NDUFAF6: variants seen among roughly 807,000 people sequenced by gnomAD.
The protein encoded by NDUFAF6 is NADH:ubiquinone oxidoreductase complex assembly factor 6, also known as NADH dehydrogenase (ubiquinone) complex I, assembly factor 6.
Under a neutral mutation model 40.8 loss-of-function variants are expected in NDUFAF6, and 45 were observed. The ratio of observed to expected loss-of-function variants is 1.10; its 90% confidence interval spans 0.87 to 1.42. The LOEUF (loss-of-function observed/expected upper bound fraction) is 1.42, where lower values mean the gene tolerates loss of function less well. Ranked by LOEUF, NDUFAF6 falls within the 40% of genes most tolerant of loss-of-function variation. The pLI, the probability that NDUFAF6 is intolerant of heterozygous loss-of-function variation, is 0.00. For synonymous variants in NDUFAF6, 185 were observed against 155.9 expected, an observed-to-expected ratio of 1.19 and a Z score of -1.39; for missense variants, 435 against 418.5, an observed-to-expected ratio of 1.04 and a Z score of -0.34.
At chr8:95,035,295 CTT>C (rs1401027738) in intron 2 of NDUFAF6, among the ~76,000 whole-genome samples, 157 bp from the exon 3 acceptor site, 1 of 152,142 alleles carries the variant, frequency 6.6e-6, no homozygotes, top group African/African-American at 2.4e-5. Context: ...AAAATTCTCT[CTT>C]TGTTGTGTTC....
At position 95,036,321 on chromosome 8, in the gene NDUFAF6, T is replaced by C. The variant is rs981142011; in HGVS notation, c.420+745T>C. On this transcript the variant is annotated intron_variant, in intron 3 of 8. Transcript: ENST00000396124. ...ATGCAGTGATTGCCAAAAGAGGGTT[T>C]CTGTAACAGGAGCCACCCACAGACC... 30 of 1,286,724 alleles carry C rather than the reference T, an allele frequency of 2.3e-5. No individual in the cohort carries two copies. The African/African-American group carries it at 3.6e-4, about 16-fold the overall frequency. The allele number at this position is 1,286,724 out of a possible 1,614,324, so 79.7% of individuals were successfully genotyped here. A position where few individuals can be genotyped will look rare whatever the true frequency, so the allele number is the denominator to read the frequency against.
At chr8:94,923,144 G>C (rs944554268) in intron 1 of NDUFAF6, among the ~76,000 whole-genome samples, 7 of 152,150 alleles carry the variant, frequency 4.6e-5, no homozygotes, top group African/African-American at 1.4e-4. Flanking sequence ...CTGTAGGCCG[G>C]ATAGGAAGGA....
downstream of NDUFAF6, among the ~76,000 whole-genome samples, chr8:95,107,997 G>A (rs536699343): frequency 1.3e-5 from 2 of 152,250 alleles, no homozygotes; most frequent in South Asian, 2.1e-4. Context: ...TGGAAACATC[G>A]GCTGGCACTT....
At chr8:94,897,765 G>A in intron 1 of NDUFAF6, among the ~76,000 whole-genome samples, 1 of 133,692 alleles carries the variant, frequency 7.5e-6, no homozygotes, top group East Asian at 2.1e-4. Context: ...TTTTCCCTGT[G>A]CTACAGTTAT....
intron 7 of NDUFAF6, 133 bp from the exon 8 acceptor site, chr8:95,052,041 C>G: frequency 1.2e-6 from 1 of 806,904 alleles, no homozygotes; most frequent in Non-Finnish European, 2.1e-6. Flanking sequence ...TAATCTTAAT[C>G]TGCAGGAGAT....
chr8:95,049,903 A>G (rs1298727376), intron 7 of NDUFAF6, among the ~76,000 whole-genome samples: 1 of 152,238 alleles, frequency 6.6e-6, no homozygotes, highest in Non-Finnish European at 1.5e-5. Flanking sequence ...TACCTGGTAC[A>G]TTATGGGCAC....
chr8:95,072,601 G>A (rs2132037151), intron 9 of NDUFAF6: 1 of 152,398 alleles, frequency 6.6e-6, no homozygotes, highest in East Asian at 1.9e-4. Flanking sequence ...CTCGTGGTAT[G>A]TTCAGCCTTT....
At chr8:95,019,330 AAGCAAACAAT>A (rs1827597938) in intron 2 of NDUFAF6, among the ~76,000 whole-genome samples, 1 of 152,250 alleles carries the variant, frequency 6.6e-6, no homozygotes, top group South Asian at 2.1e-4. Context: ...TATATACACA[AAGCAAACAAT>A]AGTATTTTCA....
At chr8:95,068,108 C>T (rs997904293) in intron 9 of NDUFAF6, 2 of 151,818 alleles carry the variant, frequency 1.3e-5, no homozygotes, top group Non-Finnish European at 2.9e-5. Context: ...TATTTGCTCC[C>T]GTTGGCATTT....
chr8:95,055,394 AT>A (rs1182954064), intron 8 of NDUFAF6: 1 of 152,206 alleles, frequency 6.6e-6, no homozygotes, highest in Non-Finnish European at 1.5e-5. Flanking sequence ...ATGAATTTTT[AT>A]GTTTAGTTGA....
downstream of NDUFAF6, among the ~76,000 whole-genome samples, chr8:95,107,282 G>A (rs552445339): frequency 6.6e-6 from 1 of 152,220 alleles, no homozygotes; most frequent in East Asian, 1.9e-4. Flanking sequence ...GCTGCACCAT[G>A]GAATACTATA....
At chr8:95,039,143 A>AT (rs1220481732) in intron 3 of NDUFAF6, among the ~76,000 whole-genome samples, 429 of 145,288 alleles carry the variant, frequency 3.0e-3, no homozygotes, top group African/African-American at 9.0e-3. Context: ...TGCCTGGCTA[A>AT]TTTTTTTTTT....
At chr8:94,922,139 C>T (rs1020600646) in intron 1 of NDUFAF6, among the ~76,000 whole-genome samples, 1 of 152,024 alleles carries the variant, frequency 6.6e-6, no homozygotes, top group African/African-American at 2.4e-5. Context: ...TCCCAAGTAG[C>T]TGGGACTACA....
chr8:95,043,921 C>T (rs1441841289), intron 4 of NDUFAF6, among the ~76,000 whole-genome samples: 2 of 152,070 alleles, frequency 1.3e-5, no homozygotes, highest in African/African-American at 4.8e-5. Flanking sequence ...AACATATGTC[C>T]ACCCAGAACT....
At chr8:95,078,986 TG>T (rs1808731088), downstream of NDUFAF6, among the ~76,000 whole-genome samples, 1 of 152,230 alleles carries the variant, frequency 6.6e-6, no homozygotes, top group East Asian at 1.9e-4. Flanking sequence ...TTTTTGTTTT[TG>T]TTTTTGAGAG....
intron 1 of NDUFAF6, among the ~76,000 whole-genome samples, chr8:94,918,990 G>A (rs544846627): frequency 6.6e-6 from 1 of 152,220 alleles, no homozygotes; most frequent in Non-Finnish European, 1.5e-5. Context: ...TAATTCAATG[G>A]CAAAAAAACT....
At chr8:94,997,537 G>C (rs531898317) in intron 2 of NDUFAF6, among the ~76,000 whole-genome samples, 10 of 151,882 alleles carry the variant, frequency 6.6e-5, no homozygotes, top group African/African-American at 1.9e-4. Context: ...CATTTTACTG[G>C]GTTTTAAAAA....
chr8:94,928,181 G>A (rs1330642498), intron 1 of NDUFAF6: 1 of 151,600 alleles, frequency 6.6e-6, no homozygotes, highest in Non-Finnish European at 1.5e-5. Flanking sequence ...TTGTTTTCTA[G>A]GTACAAAGCA....
chr8:94,912,673 C>A (rs1818859120), intron 1 of NDUFAF6, among the ~76,000 whole-genome samples: 1 of 151,946 alleles, frequency 6.6e-6, no homozygotes, highest in Non-Finnish European at 1.5e-5. Context: ...ATTAGCTGGG[C>A]GTGGTGGCGG....
Sources: allele counts gnomAD v4.1 joint callset (sites outside exome capture counted in the v4.1 genomes callset), GRCh38; gene constraint gnomAD v4.1.1; transcripts MANE v1.5; gene names NCBI Gene and HGNC (gene_info 2026-07-23, HGNC 2026-07-21).